Variants in ERCC2 observed in about 807,000 individuals in gnomAD.
ERCC2 encodes general transcription and DNA repair factor IIH helicase subunit XPD.
ERCC2 carries 90 observed loss-of-function variants against 99.4 expected under a neutral mutation model. The ratio of observed to expected loss-of-function variants is 0.91; its 90% CI spans 0.76 to 1.08. The LOEUF is 1.08. Among genes scored for constraint, ERCC2 ranks in the 50% least tolerant of loss-of-function variants. ERCC2 has a pLI of 0.00. For missense variants in ERCC2, 993 were observed against 1,038.1 expected (o/e 0.96, Z 0.60); for synonymous variants, 497 against 432.4 (o/e 1.15, Z -1.85).
intron 2 of ERCC2, 129 bp from the exon 3 acceptor site, chr19:45,369,276 TTGGGCAG>T (rs1188346896): frequency 2.6e-6 from 2 of 763,912 alleles, no homozygotes; most frequent in Non-Finnish European, 4.6e-6. Context: ...GCAGTTAAGA[TTGGGCAG>T]TGGGTTTGAA....
Position 45,350,607 on chromosome 19 carries a change from G to A in ERCC2, c.*1022C>T. 1 of 1,613,334 alleles carries A rather than the reference G, an allele frequency of 6.2e-7. No individual in the cohort carries two copies. Among genetic ancestry groups the A allele is most frequent in the Non-Finnish European group, 8.5e-7 (1 of 1,179,434 alleles). On this transcript the variant is annotated 3_prime_UTR_variant, in exon 23 of 23. Transcript: ENST00000391945. ...GTGGGCGTGGGGACTGCATGGGCCT[G>A]GGGGACTGAGCAGCATCCCCGGCCC...
chr19:45,357,316 A>C lies in ERCC2; in HGVS notation c.1433T>G (p.Met478Arg). Residue 478 changes from methionine to arginine, a missense_variant, in exon 15 of 23, where the codon ATG becomes AGG. Met to Arg is a moderately conservative substitution (Grantham distance 91). Around this residue, in one of 3 missense-constraint regions of ERCC2, gnomAD observed 909 missense variants for 930.8 expected, o/e 0.98. Transcript: ENST00000391945. ...PKILDFHPVTMATFTMTLARV... is the reference protein window; with the variant it reads ...PKILDFHPVTRATFTMTLARV... ...TGCCAGCGTCATGGTGAAGGTTGCC[A>C]TGGTGACGGGGTGGAAGTCCAGGAT... 6.2e-7 allele frequency: 1 copy of C among 1,614,168 alleles called. No individual in the cohort carries two copies. The highest frequency in any genetic ancestry group is 8.5e-7 in the Non-Finnish European group (1 of 1,180,002).
chr19:45,353,413 C>T, intron 17 of ERCC2, 79 bp from the exon 18 acceptor site: 1 of 918,278 alleles, frequency 1.1e-6, no homozygotes, highest in South Asian at 1.4e-5. Context: ...TGGGGACTCC[C>T]ACATCACCAT....
At chr19:45,365,904 G>A (rs535314057) in intron 5 of ERCC2, among the ~76,000 whole-genome samples, 8 of 152,186 alleles carry the variant, frequency 5.3e-5, no homozygotes, top group South Asian at 4.1e-4. Flanking sequence ...GCCCAATCAC[G>A]GCTCACTACA....
At chr19:45,363,209 C>T (rs1028911552) in intron 11 of ERCC2, among the ~76,000 whole-genome samples, 3 of 152,172 alleles carry the variant, frequency 2.0e-5, no homozygotes, top group Non-Finnish European at 2.9e-5. Flanking sequence ...CCAAAATGCG[C>T]CCAGACTACT....
intron 11 of ERCC2, among the ~76,000 whole-genome samples, chr19:45,362,923 T>C (rs1972275580): frequency 6.6e-6 from 1 of 152,158 alleles, no homozygotes; most frequent in Non-Finnish European, 1.5e-5. Context: ...GTGTCCTCAT[T>C]TGCAGGGTGG....
chr19:45,359,299 C>CA (rs1226366966), intron 12 of ERCC2, among the ~76,000 whole-genome samples: 5 of 152,126 alleles, frequency 3.3e-5, no homozygotes, highest in Admixed American at 1.3e-4. Context: ...TAGAGAATGA[C>CA]AAAGGTAGGG....
Position 45,364,673 on chromosome 19 carries a change from G to A in ERCC2, c.595-126C>T. 9 of 1,441,516 alleles carry A rather than the reference G, an allele frequency of 6.2e-6. No individual in the cohort carries two copies. The South Asian group carries it at 1.1e-4, about 17-fold the overall frequency. 89.3% of individuals were successfully genotyped at this position (1,441,516 alleles called of 1,614,324 possible). ...GCAGACACAGGCCAGGCAGAAGTAT[G>A]AGCAGATGGATAGAGACAGACCAAC... is the stretch of plus-strand genomic sequence containing the variant. On this transcript the variant is annotated intron_variant, in intron 7 of 22. Transcript: ENST00000391945.
chr19:45,350,812 C>G lies in ERCC2; in HGVS notation c.*817G>C. 7.7e-7 allele frequency: 1 copy of G among 1,300,330 alleles called. No individual in the cohort carries two copies. The highest frequency in any genetic ancestry group is 1.1e-6 in the Non-Finnish European group (1 of 926,172). 80.5% of individuals were successfully genotyped at this position (1,300,330 alleles called of 1,614,324 possible). ...CAGAATCCACAGCCCACCCCACCCC[C>G]ACCCCCATCTTGCTCAAGAACCTTC... On this transcript the variant is annotated 3_prime_UTR_variant, in exon 23 of 23. Coordinates refer to ENST00000391945, the MANE Select transcript of ERCC2 (RefSeq NM_000400.4).
At chr19:45,367,165 C>A (rs1392531294) in intron 5 of ERCC2, among the ~76,000 whole-genome samples, 1 of 152,046 alleles carries the variant, frequency 6.6e-6, no homozygotes, top group Non-Finnish European at 1.5e-5. Context: ...GGTGAAACAC[C>A]GTCTCTACTA....
In ERCC2 at chr19:45,365,158, C is replaced by T. The variant is rs1434217756; in HGVS notation, c.361G>A (p.Val121Met). 1.2e-6 allele frequency: 2 copies of T among 1,613,424 alleles called. No individual in the cohort carries two copies. Among genetic ancestry groups the T allele is most frequent in the Admixed American group, 1.7e-5 (1 of 59,990 alleles). Reference sequence around the variant, plus strand: ...TCCTTCCCAAAGCGCAGGGGTGTCACCTGGGGGTGTGGGGCATCTTAGCAC... The same window carrying T: ...TCCTTCCCAAAGCGCAGGGGTGTCATCTGGGGGTGTGGGGCATCTTAGCAC... ...SRKNLCIHPEVTPLRFGKDVD... is the reference protein window; with the variant it reads ...SRKNLCIHPEMTPLRFGKDVD... Residue 121 changes from valine (V) to methionine (M), a missense_variant and splice_region_variant, in exon 6 of 23, where the codon GTG becomes ATG. Val to Met is a conservative substitution (Grantham distance 21). Coordinates refer to ENST00000391945, the MANE Select transcript of ERCC2 (RefSeq NM_000400.4).
At chr19:45,370,257 GT>G (rs1025767601) in intron 1 of ERCC2, 25 bp from the exon 2 acceptor site, 11 of 1,611,418 alleles carry the variant, frequency 6.8e-6, no homozygotes, top group African/African-American at 1.3e-5. Context: ...TGCTGGGTCA[GT>G]TCCCGTCCCC....
chr19:45,362,892 G>A (rs963378242), intron 11 of ERCC2, among the ~76,000 whole-genome samples: 6 of 152,210 alleles, frequency 3.9e-5, no homozygotes, highest in African/African-American at 1.4e-4. Context: ...CTGGGCAAAG[G>A]CTTCCCCTCT....
Position 45,364,020 on chromosome 19 carries a change from C to T in ERCC2, c.915G>A (p.Leu305=), listed in dbSNP as rs748245861. 7.7e-6 allele frequency: 12 copies of T among 1,551,302 alleles called. No homozygotes were observed. The highest frequency in any genetic ancestry group is 1.7e-4 in the Middle Eastern group (1 of 5,768). The change falls in exon 10 of 23, where the codon CTG becomes CTA. Residue 305 remains leucine, a synonymous_variant. Transcript: ENST00000391945. ...ASAARETDAH[L]ANPVLPDEVL... ...CTTCGTCGGGCAGCACGGGGTTGGC[C>T]AGGTGGGCGTCCGTCTCCCGGGCGG...
In ERCC2 at chr19:45,350,897, CGTGGA is replaced by C; in HGVS notation, c.*727_*731del. ...CAAACCCTGTGCTGGAAAGGTCCCT[CGTGGA>C]GGGGGGCCACTCCTGGATTCACTCA... is the stretch of plus-strand genomic sequence containing the variant. On this transcript the variant is annotated 3_prime_UTR_variant, in exon 23 of 23. Coordinates refer to ENST00000391945, the MANE Select transcript of ERCC2 (RefSeq NM_000400.4). The C allele has an allele frequency of 6.3e-7, 1 of 1,584,832 alleles. No homozygotes were observed. Among genetic ancestry groups the C allele is most frequent in the African/African-American group, 1.3e-5 (1 of 74,290 alleles).
intron 8 of ERCC2, 26 bp from the exon 9 acceptor site, chr19:45,364,357 C>A: frequency 6.2e-7 from 1 of 1,613,916 alleles, no homozygotes; most frequent in Admixed American, 1.7e-5. Flanking sequence ...AGAGCCGGCT[C>A]AGGCAGGCCT....
chr19:45,367,900 CT>C lies in ERCC2; in HGVS notation c.360+729del, dbSNP rs762407391. Among the ~76,000 whole-genome samples the C allele has an allele frequency of 8.7e-3, 1,167 of 133,888 alleles. 1 individual carries two copies. The highest frequency in any genetic ancestry group is 0.016 in the African/African-American group (584 of 36,412). 87.8% of individuals were successfully genotyped at this position (133,888 alleles called of 152,430 possible). On this transcript the variant is annotated intron_variant, in intron 5 of 22. Coordinates refer to ENST00000391945, the MANE Select transcript of ERCC2 (RefSeq NM_000400.4). Reference sequence around the variant, plus strand: ...ATGCATATAAATATCATGACAATTTCTTTTTTTTTTTTTTTAAGACAGAGTC... The same window carrying C: ...ATGCATATAAATATCATGACAATTTCTTTTTTTTTTTTTTAAGACAGAGTC...
intron 12 of ERCC2, chr19:45,358,403 G>A (rs1056477490): frequency 3.5e-4 from 71 of 203,940 alleles, no homozygotes; most frequent in Middle Eastern, 2.1e-3. Context: ...CACTGCCCCC[G>A]ACCCCACGCG....
chr19:45,350,009 C>T lies in ERCC2; in HGVS notation c.*1620G>A. ...ACCAGCCCAAAGTACAGCAGACAGG[C>T]TCAGAAACAGGAGGCTGCCTGTCCT... is the stretch of plus-strand genomic sequence containing the variant. On this transcript the variant is annotated 3_prime_UTR_variant, in exon 23 of 23. Coordinates refer to ENST00000391945, the MANE Select transcript of ERCC2 (RefSeq NM_000400.4). 2.2e-6 allele frequency: 1 copy of T among 445,246 alleles called. No individual in the cohort carries two copies. The highest frequency in any genetic ancestry group is 4.0e-6 in the Non-Finnish European group (1 of 246,930). 27.6% of individuals were successfully genotyped at this position (445,246 alleles called of 1,614,324 possible). A position where few individuals can be genotyped will look rare whatever the true frequency, so the allele number is the denominator to read the frequency against.
Sources: allele counts gnomAD v4.1 joint callset (sites outside exome capture counted in the v4.1 genomes callset), GRCh38; gene constraint gnomAD v4.1.1; regional missense constraint gnomAD v4.1.1; transcripts MANE v1.5; gene names NCBI Gene and HGNC (gene_info 2026-07-23, HGNC 2026-07-21).